PIP4P2: variants seen among roughly 807,000 people sequenced by gnomAD.
PIP4P2 encodes the protein phosphatidylinositol-4,5-bisphosphate 4-phosphatase 2.
Under a neutral mutation model 33.3 loss-of-function variants are expected in PIP4P2, and 19 were observed. That is an observed-to-expected ratio of 0.57 (90% CI 0.40 to 0.84). The LOEUF is 0.84. Among genes scored for constraint, PIP4P2 ranks in the 40% least tolerant of loss-of-function variants. PIP4P2 has a pLI of 0.00. For synonymous variants in PIP4P2, 110 were observed against 111.9 expected (o/e 0.98, Z 0.11); for missense variants, 270 against 324.7 (o/e 0.83, Z 1.29).
At chr8:91,031,176 T>C (rs983449069) in intron 1 of PIP4P2, among the ~76,000 whole-genome samples, 1 of 152,218 alleles carries the variant, frequency 6.6e-6, no homozygotes, top group African/African-American at 2.4e-5. Flanking sequence ...TGGCAAGGTA[T>C]TTTATATAGA....
In PIP4P2 at chr8:90,995,633, A is replaced by G; in HGVS notation, c.*44T>C. ...AAGATGTCCAGAGTAGCTTACCAAGAACTGCTAGACACTCTCACCTGCATT... is the reference window on the plus strand; with the variant it reads ...AAGATGTCCAGAGTAGCTTACCAAGGACTGCTAGACACTCTCACCTGCATT... On this transcript the variant is annotated 3_prime_UTR_variant, in exon 7 of 7. Coordinates refer to ENST00000285419, the MANE Select transcript of PIP4P2 (RefSeq NM_018710.3). 6.4e-7 allele frequency: 1 copy of G among 1,574,582 alleles called. No homozygotes were observed. The highest frequency in any genetic ancestry group is 8.6e-7 in the Non-Finnish European group (1 of 1,165,518).
intron 1 of PIP4P2, among the ~76,000 whole-genome samples, chr8:91,025,482 T>C (rs975480077): frequency 6.6e-6 from 1 of 152,302 alleles, no homozygotes; most frequent in African/African-American, 2.4e-5. Context: ...AGATATATCC[T>C]CCAGTATTTT....
intron 2 of PIP4P2, 83 bp downstream of exon 2, chr8:91,021,173 A>G: frequency 6.7e-7 from 1 of 1,495,558 alleles, no homozygotes; most frequent in Non-Finnish European, 9.1e-7. Flanking sequence ...ATATACTTTT[A>G]AGTAACATTA....
At chr8:91,022,535 C>T (rs1173551488) in intron 1 of PIP4P2, among the ~76,000 whole-genome samples, 1 of 152,140 alleles carries the variant, frequency 6.6e-6, no homozygotes, top group Non-Finnish European at 1.5e-5. Flanking sequence ...AAGGGCCACA[C>T]TCTAACATAT....
In PIP4P2 at chr8:90,996,277, T is replaced by C. The variant is rs537490383; in HGVS notation, c.630+377A>G. 1.9e-3 allele frequency among the ~76,000 whole-genome samples: 283 copies of C among 152,234 alleles called. 2 individuals carry two copies. The highest frequency in any genetic ancestry group is 6.3e-3 in the African/African-American group (260 of 41,538). Reference sequence around the variant, plus strand: ...GTAATAAATCTCTGCTTGATTTGGATAAAGAGAAGAGTGGTTTTTTTAGAT... The same window carrying C: ...GTAATAAATCTCTGCTTGATTTGGACAAAGAGAAGAGTGGTTTTTTTAGAT... On this transcript the variant is annotated intron_variant, in intron 6 of 6. Coordinates refer to ENST00000285419, the MANE Select transcript of PIP4P2 (RefSeq NM_018710.3).
At chr8:91,009,878 G>A (rs183888428) in intron 4 of PIP4P2, among the ~76,000 whole-genome samples, 32 of 151,542 alleles carry the variant, frequency 2.1e-4, no homozygotes, top group African/African-American at 7.0e-4. Flanking sequence ...TTATGATCTC[G>A]CTTAGTCACA....
At chr8:91,039,232 T>G (rs1812273589) in intron 1 of PIP4P2, among the ~76,000 whole-genome samples, 1 of 152,212 alleles carries the variant, frequency 6.6e-6, no homozygotes, top group Non-Finnish European at 1.5e-5. Flanking sequence ...CAGTAAAATA[T>G]TCATATCAAA....
At chr8:91,039,442 A>G (rs1032656113) in intron 1 of PIP4P2, among the ~76,000 whole-genome samples, 1 of 152,212 alleles carries the variant, frequency 6.6e-6, no homozygotes, top group African/African-American at 2.4e-5. Context: ...ATTAAGATCT[A>G]GATAGTTTAT....
intron 1 of PIP4P2, among the ~76,000 whole-genome samples, chr8:91,027,960 A>G (rs1258492294): frequency 6.6e-6 from 1 of 152,226 alleles, no homozygotes; most frequent in Non-Finnish European, 1.5e-5. Flanking sequence ...TTTCCCTCCA[A>G]TGCAGACCAG....
At chr8:91,011,997 T>C (rs1322864141) in intron 4 of PIP4P2, among the ~76,000 whole-genome samples, 1 of 152,068 alleles carries the variant, frequency 6.6e-6, no homozygotes, top group African/African-American at 2.4e-5. Flanking sequence ...AGTTCTTTTA[T>C]CTTAATCCTT....
chr8:91,001,276 T>TAATTTTATGC (rs1263046282), intron 5 of PIP4P2, among the ~76,000 whole-genome samples: 1 of 152,094 alleles, frequency 6.6e-6, no homozygotes, highest in Non-Finnish European at 1.5e-5. Context: ...GATTTTTCTT[T>TAATTTTATGC]AATTTTATGC....
rs1554583960 is a variant in PIP4P2, at chr8:91,040,388, A to ACACCAT, written c.106+250_106+255dup. Among the ~76,000 whole-genome samples, 35 of 149,844 alleles carry ACACCAT rather than the reference A, an allele frequency of 2.3e-4. 1 individual carries two copies. Among genetic ancestry groups the ACACCAT allele is most frequent in the African/African-American group, 8.6e-4 (35 of 40,746 alleles). ...GTAAGAAGTGGTGAAATACACACAC[A>ACACCAT]CACCATCACCACCACCACCACCACC... On this transcript the variant is annotated intron_variant, in intron 1 of 6. Transcript: ENST00000285419.
intron 1 of PIP4P2, among the ~76,000 whole-genome samples, chr8:91,032,568 G>T (rs369140802): frequency 6.6e-6 from 1 of 152,044 alleles, no homozygotes; most frequent in African/African-American, 2.4e-5. Flanking sequence ...ATCATTTGAG[G>T]TCAGGAGCTC....
intron 1 of PIP4P2, among the ~76,000 whole-genome samples, chr8:91,025,287 T>C (rs181491783): frequency 1.2e-4 from 19 of 152,312 alleles, no homozygotes; most frequent in Admixed American, 6.5e-4. Flanking sequence ...TGATAGTTTA[T>C]GGATCACAAG....
At chr8:91,032,981 CA>C (rs1350217502) in intron 1 of PIP4P2, among the ~76,000 whole-genome samples, 2 of 152,116 alleles carry the variant, frequency 1.3e-5, no homozygotes, top group Non-Finnish European at 2.9e-5. Context: ...ATCTAGCTAA[CA>C]TTTGTATGCA....
Position 91,021,281 on chromosome 8 carries a change from T to C in PIP4P2, c.230A>G (p.Lys77Arg). 6.2e-7 allele frequency: 1 copy of C among 1,613,822 alleles called. No individual in the cohort carries two copies. The highest frequency in any genetic ancestry group is 1.1e-5 in the South Asian group (1 of 91,074). The change falls in exon 2 of 7, where the codon AAG becomes AGG. Residue 77 changes from lysine to arginine, a missense_variant. Lys to Arg is a conservative substitution (Grantham distance 26). Transcript: ENST00000285419. Reference sequence around the variant, plus strand: ...CGTAGCTTCATTGCAAACTGTGCACTTAACCACATGCTGGTGAAGCTTGCC... The same window carrying C: ...CGTAGCTTCATTGCAAACTGTGCACCTAACCACATGCTGGTGAAGCTTGCC... ...LDGKLHQHVV[K>R]CTVCNEATPI...
intron 5 of PIP4P2, among the ~76,000 whole-genome samples, chr8:91,008,527 C>A (rs555451931): frequency 1.3e-5 from 2 of 152,096 alleles, no homozygotes; most frequent in African/African-American, 2.4e-5. Context: ...AATTGATTTC[C>A]CTTTAGATGA....
intron 1 of PIP4P2, among the ~76,000 whole-genome samples, chr8:91,038,878 A>G (rs925742591): frequency 2.0e-5 from 3 of 152,182 alleles, no homozygotes; most frequent in African/African-American, 7.2e-5. Context: ...TTGCTAAGTC[A>G]TTGAATTTCT....
At chr8:91,022,342 A>G (rs1812022315) in intron 1 of PIP4P2, among the ~76,000 whole-genome samples, 1 of 152,174 alleles carries the variant, frequency 6.6e-6, no homozygotes, top group African/African-American at 2.4e-5. Flanking sequence ...GTGGAGGCCC[A>G]CTTTCAAAAT....
Sources: allele counts gnomAD v4.1 joint callset (sites outside exome capture counted in the v4.1 genomes callset), GRCh38; gene constraint gnomAD v4.1.1; transcripts MANE v1.5; gene names NCBI Gene and HGNC (gene_info 2026-07-23, HGNC 2026-07-21).